Variants in FHIT observed in about 807,000 individuals in gnomAD.
FHIT encodes the protein bis(5'-adenosyl)-triphosphatase.
In FHIT, 19 loss-of-function variants were observed where a neutral mutation model predicts 17.9. The ratio of observed to expected loss-of-function variants is 1.06; its 90% confidence interval spans 0.74 to 1.56. The LOEUF is 1.56. Ranked by LOEUF, FHIT falls within the 40% of genes most tolerant of loss-of-function variation. The probability of loss-of-function intolerance (pLI) is 0.00; values close to 1 mark genes in which losing one functional copy is unlikely to be tolerated. For missense variants in FHIT, 248 were observed against 189.2 expected, an observed-to-expected ratio of 1.31 and a Z score of -1.82; for synonymous variants, 81 against 69.7, an observed-to-expected ratio of 1.16 and a Z score of -0.81.
chr3:60,696,361 C>G (rs1307178877), intron 4 of FHIT, among the ~76,000 whole-genome samples: 1 of 152,090 alleles, frequency 6.6e-6, no homozygotes, highest in African/African-American at 2.4e-5. Context: ...TCAGGGTAAA[C>G]AAAAATCTCA....
chr3:60,211,068 T>TAAAAAAA (rs10663373), intron 5 of FHIT, among the ~76,000 whole-genome samples: 4 of 84,428 alleles, frequency 4.7e-5, no homozygotes, highest in East Asian at 5.3e-4. Flanking sequence ...TATAAAACCG[T>TAAAAAAA]AAAAAAAAAA....
intron 8 of FHIT, among the ~76,000 whole-genome samples, chr3:59,792,590 A>C (rs1699609706): frequency 6.6e-6 from 1 of 152,160 alleles, no homozygotes; most frequent in African/African-American, 2.4e-5. Context: ...ACAGGACTAT[A>C]CTGCCTCACA....
chr3:60,231,061 C>A (rs1391584539), intron 5 of FHIT, among the ~76,000 whole-genome samples: 2 of 152,106 alleles, frequency 1.3e-5, no homozygotes, highest in African/African-American at 4.8e-5. Flanking sequence ...GGCAACAACT[C>A]GGAAATAAAA....
chr3:60,167,128 G>C (rs77972683), intron 5 of FHIT, among the ~76,000 whole-genome samples: 10 of 152,054 alleles, frequency 6.6e-5, no homozygotes, highest in Non-Finnish European at 1.3e-4. Flanking sequence ...CCCTTTCTAA[G>C]AGTTCTGCCT....
At chr3:60,228,027 T>C (rs75619050) in intron 5 of FHIT, among the ~76,000 whole-genome samples, 292 of 152,250 alleles carry the variant, frequency 1.9e-3, no homozygotes, top group African/African-American at 6.5e-3. Flanking sequence ...CCACTTAACT[T>C]TTTCCTCCAA....
intron 3 of FHIT, among the ~76,000 whole-genome samples, chr3:60,959,978 T>G (rs533202223): frequency 1.3e-5 from 2 of 152,024 alleles, no homozygotes; most frequent in African/African-American, 4.8e-5. Context: ...GCAAAAAATA[T>G]ATACTTTGTA....
intron 3 of FHIT, among the ~76,000 whole-genome samples, chr3:60,894,240 G>A (rs1165953927): frequency 1.3e-5 from 2 of 152,128 alleles, no homozygotes; most frequent in African/African-American, 2.4e-5. Context: ...ACAAATAAAC[G>A]TTAACATACA....
chr3:60,166,637 T>A (rs1701188012), intron 5 of FHIT, among the ~76,000 whole-genome samples: 1 of 152,140 alleles, frequency 6.6e-6, no homozygotes, highest in East Asian at 1.9e-4. Flanking sequence ...GCAATCTATC[T>A]CCAGAACTTG....
At chr3:60,445,410 C>G (rs981418891) in intron 5 of FHIT, among the ~76,000 whole-genome samples, 2 of 151,596 alleles carry the variant, frequency 1.3e-5, no homozygotes, top group African/African-American at 2.4e-5. Context: ...ACGTTTCTTA[C>G]CAAAGGTCAT....
intron 5 of FHIT, among the ~76,000 whole-genome samples, chr3:60,139,449 G>C (rs1034597196): frequency 1.3e-5 from 2 of 152,178 alleles, no homozygotes; most frequent in African/African-American, 4.8e-5. Flanking sequence ...TATAGCTGGA[G>C]AGGCAAGAAA....
At chr3:60,030,905 CTG>C (rs1575930723) in intron 5 of FHIT, among the ~76,000 whole-genome samples, 3 of 152,276 alleles carry the variant, frequency 2.0e-5, no homozygotes, top group African/African-American at 7.2e-5. Context: ...GAAAAAATAA[CTG>C]TTATTTTCTT....
intron 5 of FHIT, among the ~76,000 whole-genome samples, chr3:60,123,161 C>A (rs1406978079): frequency 6.6e-6 from 1 of 152,096 alleles, no homozygotes; most frequent in Non-Finnish European, 1.5e-5. Context: ...TAAAAAGAAG[C>A]TATTAATATT....
At chr3:60,939,388 C>T (rs782104974) in intron 3 of FHIT, among the ~76,000 whole-genome samples, 1 of 152,052 alleles carries the variant, frequency 6.6e-6, no homozygotes, top group Non-Finnish European at 1.5e-5. Flanking sequence ...GACCATACTA[C>T]CAAAAAACCT....
At chr3:60,353,264 A>G (rs1699501683) in intron 5 of FHIT, among the ~76,000 whole-genome samples, 1 of 152,064 alleles carries the variant, frequency 6.6e-6, no homozygotes, top group Admixed American at 6.6e-5. Flanking sequence ...CTAAAACATT[A>G]AAAAAAGTGG....
At chr3:61,039,802 T>C (rs2033421593) in intron 3 of FHIT, among the ~76,000 whole-genome samples, 1 of 152,158 alleles carries the variant, frequency 6.6e-6, no homozygotes, top group Non-Finnish European at 1.5e-5. Context: ...TATACCTATG[T>C]AACAAACCTG....
chr3:60,039,284 T>C (rs1411984622), intron 5 of FHIT, among the ~76,000 whole-genome samples: 6 of 152,214 alleles, frequency 3.9e-5, no homozygotes, highest in Non-Finnish European at 8.8e-5. Flanking sequence ...AAAACTCATT[T>C]GGCCTTACTT....
At chr3:59,792,629 C>T (rs532706512) in intron 8 of FHIT, among the ~76,000 whole-genome samples, 168 of 152,226 alleles carry the variant, frequency 1.1e-3, no homozygotes, top group Middle Eastern at 0.01. Context: ...AAGGAAATTA[C>T]AGATGTTAAA....
At chr3:60,843,974 G>A (rs1279026744) in intron 3 of FHIT, among the ~76,000 whole-genome samples, 4 of 152,020 alleles carry the variant, frequency 2.6e-5, no homozygotes, top group Non-Finnish European at 5.9e-5. Flanking sequence ...TAATCAAGAG[G>A]GAGAAATAGC....
At chr3:59,938,442 C>A (rs1400327752) in intron 7 of FHIT, among the ~76,000 whole-genome samples, 1 of 152,054 alleles carries the variant, frequency 6.6e-6, no homozygotes, top group Non-Finnish European at 1.5e-5. Context: ...GAATAGTAAG[C>A]AGCAGATTTG....
Sources: allele counts gnomAD v4.1 joint callset (sites outside exome capture counted in the v4.1 genomes callset), GRCh38; gene constraint gnomAD v4.1.1; transcripts MANE v1.5; gene names NCBI Gene and HGNC (gene_info 2026-07-23, HGNC 2026-07-21).